BTBD9: variants seen among roughly 807,000 people sequenced by gnomAD.
The protein encoded by BTBD9 is BTB/POZ domain-containing protein 9.
BTBD9 carries 49 observed loss-of-function variants against 64.3 expected under a neutral mutation model. The observed-to-expected ratio is 0.76, with a 90% CI of 0.61 to 0.97. The LOEUF (loss-of-function observed/expected upper bound fraction) is 0.97. BTBD9 is among the 50% of genes least tolerant of loss of function. BTBD9 has a pLI of 0.00. For missense variants in BTBD9, 598 were observed against 762.1 expected, an observed-to-expected ratio of 0.78 and a Z score of 2.53; for synonymous variants, 260 against 274.7, an observed-to-expected ratio of 0.95 and a Z score of 0.53.
intron 6 of BTBD9, among the ~76,000 whole-genome samples, chr6:38,420,400 C>T (rs1476261979): frequency 6.6e-6 from 1 of 152,156 alleles, no homozygotes; most frequent in East Asian, 1.9e-4. Flanking sequence ...AGCAGTGACT[C>T]AGACTTGTGC....
chr6:38,305,278 T>G (rs1385744412), intron 7 of BTBD9, among the ~76,000 whole-genome samples: 1 of 152,184 alleles, frequency 6.6e-6, no homozygotes, highest in Non-Finnish European at 1.5e-5. Flanking sequence ...ATGCCCATGG[T>G]AGAAGAGTTG....
At chr6:38,443,787 T>C (rs1319660654) in intron 6 of BTBD9, among the ~76,000 whole-genome samples, 2 of 152,018 alleles carry the variant, frequency 1.3e-5, no homozygotes, top group Non-Finnish European at 2.9e-5. Flanking sequence ...GCCTCCTAGC[T>C]AGCATCTCTT....
intron 1 of BTBD9, among the ~76,000 whole-genome samples, chr6:38,604,759 T>G (rs1343717895): frequency 2.0e-5 from 3 of 152,218 alleles, no homozygotes; most frequent in Non-Finnish European, 4.4e-5. Context: ...AGGGTTAATA[T>G]TCAAATAATT....
At chr6:38,260,752 A>G (rs1452771621) in intron 8 of BTBD9, among the ~76,000 whole-genome samples, 2 of 152,224 alleles carry the variant, frequency 1.3e-5, no homozygotes, top group African/African-American at 4.8e-5. Context: ...CACACAGTGC[A>G]TATGGTTTGT....
chr6:38,486,476 T>TA (rs1771429469), intron 6 of BTBD9, among the ~76,000 whole-genome samples: 1 of 152,174 alleles, frequency 6.6e-6, no homozygotes, highest in Non-Finnish European at 1.5e-5. Context: ...CTTCAACACT[T>TA]AAAGAGACTA....
At chr6:38,467,314 G>T (rs1369441595) in intron 6 of BTBD9, among the ~76,000 whole-genome samples, 2 of 152,140 alleles carry the variant, frequency 1.3e-5, no homozygotes, top group South Asian at 2.1e-4. Flanking sequence ...GCTAAGAGAG[G>T]ATGTCTGTCA....
chr6:38,378,489 C>T (rs1765785493), intron 6 of BTBD9, among the ~76,000 whole-genome samples: 1 of 151,496 alleles, frequency 6.6e-6, no homozygotes, highest in Non-Finnish European at 1.5e-5. Context: ...GCCCACTCTG[C>T]CTCCTGAAGT....
chr6:38,465,755 A>ATG, intron 6 of BTBD9, among the ~76,000 whole-genome samples: 1 of 37,010 alleles, frequency 2.7e-5, no homozygotes, highest in South Asian at 2.2e-3. Context: ...ATATATATAT[A>ATG]TGTATGTATG....
At chr6:38,623,178 G>A (rs1778048805) in intron 1 of BTBD9, among the ~76,000 whole-genome samples, 1 of 152,076 alleles carries the variant, frequency 6.6e-6, no homozygotes. Context: ...TTCTTATGTG[G>A]AATGTCAACC....
intron 6 of BTBD9, among the ~76,000 whole-genome samples, chr6:38,403,086 G>A (rs1767008646): frequency 7.0e-6 from 1 of 142,678 alleles, no homozygotes; most frequent in East Asian, 2.5e-4. Context: ...GGGGAGGGAA[G>A]GGGAGGGGAA....
intron 6 of BTBD9, among the ~76,000 whole-genome samples, chr6:38,508,844 T>C (rs1157424933): frequency 1.3e-5 from 2 of 152,170 alleles, no homozygotes; most frequent in Admixed American, 1.3e-4. Context: ...TTACATTCTG[T>C]ATTCATACCC....
intron 6 of BTBD9, among the ~76,000 whole-genome samples, chr6:38,444,789 C>T (rs1187352698): frequency 6.6e-6 from 1 of 152,112 alleles, no homozygotes; most frequent in African/African-American, 2.4e-5. Flanking sequence ...GTTAAAACAG[C>T]TTTATGGAAA....
At chr6:38,590,228 G>A (rs142184640) in intron 4 of BTBD9, among the ~76,000 whole-genome samples, 115 of 152,136 alleles carry the variant, frequency 7.6e-4, no homozygotes, top group African/African-American at 2.7e-3. Flanking sequence ...TGATCAAGGT[G>A]GTAATTCTCA....
chr6:38,618,710 A>G (rs1248649122), intron 1 of BTBD9, among the ~76,000 whole-genome samples: 1 of 152,160 alleles, frequency 6.6e-6, no homozygotes, highest in Non-Finnish European at 1.5e-5. Context: ...TTTTCAGATG[A>G]TCCTGATAGG....
chr6:38,426,684 G>C (rs1562169790), intron 6 of BTBD9, among the ~76,000 whole-genome samples: 1 of 151,924 alleles, frequency 6.6e-6, no homozygotes, highest in Admixed American at 6.5e-5. Context: ...AAGTGCCTGG[G>C]TTCGTCCTAA....
At position 38,419,879 on chromosome 6, in the gene BTBD9, C is replaced by CA. The variant is rs200951353; in HGVS notation, c.1155-74787dup. On this transcript the variant is annotated intron_variant, in intron 6 of 10. Coordinates refer to ENST00000481247, the MANE Select transcript of BTBD9 (RefSeq NM_001099272.2). ...GAGCGAAACTCCATCTCAAACAAAA[C>CA]AAAAAAAATACTAAGGGAAACTATT... Among the ~76,000 whole-genome samples, 1,154 of 151,012 alleles carry CA rather than the reference C, an allele frequency of 7.6e-3. 9 individuals are homozygous for CA. Among genetic ancestry groups the CA allele is most frequent in the African/African-American group, 0.026 (1,090 of 41,240 alleles).
At chr6:38,175,585 C>A (rs959563707) in intron 10 of BTBD9, among the ~76,000 whole-genome samples, 6 of 151,936 alleles carry the variant, frequency 3.9e-5, no homozygotes, top group Non-Finnish European at 8.8e-5. Flanking sequence ...TGGTTCGATT[C>A]TGTGAGGTTG....
chr6:38,539,736 T>C (rs4141854), intron 6 of BTBD9, among the ~76,000 whole-genome samples: 11,524 of 152,176 alleles, frequency 0.076, 1,041 homozygotes, highest in East Asian at 0.23. Flanking sequence ...AATTTGGGTA[T>C]AAAAACCCAC....
At chr6:38,605,234 A>G (rs915484717) in intron 1 of BTBD9, among the ~76,000 whole-genome samples, 1 of 151,750 alleles carries the variant, frequency 6.6e-6, no homozygotes, top group African/African-American at 2.4e-5. Flanking sequence ...TTTAGTAGAG[A>G]CGGGGTTTCA....
Sources: allele counts gnomAD v4.1 joint callset (sites outside exome capture counted in the v4.1 genomes callset), GRCh38; gene constraint gnomAD v4.1.1; transcripts MANE v1.5; gene names NCBI Gene and HGNC (gene_info 2026-07-23, HGNC 2026-07-21).